Variants in SGK1 observed in about 807,000 individuals in gnomAD.
The protein encoded by SGK1 is serine/threonine-protein kinase Sgk1.
SGK1 carries 26 observed loss-of-function variants against 64.2 expected under a neutral mutation model. The observed-to-expected ratio is 0.40, with a 90% CI of 0.30 to 0.56. The LOEUF is 0.56. SGK1 is among the 20% of genes least tolerant of loss of function. The pLI is 0.38. For synonymous variants in SGK1, 265 were observed against 239.7 expected, an observed-to-expected ratio of 1.11 and a Z score of -0.98; for missense variants, 519 against 645.6, an observed-to-expected ratio of 0.80 and a Z score of 2.12.
intron 1 of SGK1, among the ~76,000 whole-genome samples, chr6:134,306,355 G>A (rs764847615): frequency 3.9e-5 from 6 of 151,920 alleles, no homozygotes; most frequent in Admixed American, 6.6e-5. Flanking sequence ...CCCGGGAGGC[G>A]GAGGTTGCAG....
At chr6:134,177,139 G>A (rs2114648262) in intron 3 of SGK1, among the ~76,000 whole-genome samples, 1 of 152,276 alleles carries the variant, frequency 6.6e-6, no homozygotes, top group African/African-American at 2.4e-5. Flanking sequence ...GCTTGAACCC[G>A]GGAGGCGGAG....
chr6:134,288,193 G>T (rs866825459), intron 1 of SGK1, among the ~76,000 whole-genome samples: 2 of 152,190 alleles, frequency 1.3e-5, no homozygotes, highest in Non-Finnish European at 2.9e-5. Flanking sequence ...ATGGTAAAAA[G>T]AGATATTGCC....
intron 2 of SGK1, among the ~76,000 whole-genome samples, chr6:134,208,901 T>C (rs1022100357): frequency 1.3e-5 from 2 of 148,388 alleles, no homozygotes; most frequent in African/African-American, 5.1e-5. Flanking sequence ...TGTGTGTATA[T>C]ATATATACAC....
At chr6:134,232,170 C>T (rs112582935) in intron 2 of SGK1, among the ~76,000 whole-genome samples, 488 of 150,812 alleles carry the variant, frequency 3.2e-3, no homozygotes, top group African/African-American at 0.011. Context: ...AGGTGGAGCA[C>T]GAGGTCGAGA....
At chr6:134,228,705 G>A (rs1776226418) in intron 2 of SGK1, among the ~76,000 whole-genome samples, 1 of 152,192 alleles carries the variant, frequency 6.6e-6, no homozygotes, top group Admixed American at 6.5e-5. Flanking sequence ...TCTGCGCAAA[G>A]GCAGAAGTGG....
At chr6:134,191,584 C>A (rs1775510147) in intron 3 of SGK1, among the ~76,000 whole-genome samples, 2 of 152,246 alleles carry the variant, frequency 1.3e-5, no homozygotes, top group South Asian at 4.1e-4. Flanking sequence ...CAGTTAAGTC[C>A]ACCTATTATA....
chr6:134,175,599 G>A (rs775235237), intron 3 of SGK1: 11 of 1,550,174 alleles, frequency 7.1e-6, no homozygotes, highest in Non-Finnish European at 8.7e-6. Flanking sequence ...CCCTCTTTTT[G>A]TGGCGGGGCC....
chr6:134,232,022 G>A (rs759694475), intron 2 of SGK1, among the ~76,000 whole-genome samples: 10 of 145,096 alleles, frequency 6.9e-5, no homozygotes, highest in Non-Finnish European at 1.2e-4. Flanking sequence ...CTGGGTGACA[G>A]AGTGAGACTT....
At position 134,174,522 on chromosome 6, in the gene SGK1, A is replaced by G. The variant is rs1462333785; in HGVS notation, c.426T>C (p.Tyr142=). The change falls in exon 4 of 14, where the codon TAT becomes TAC. Residue 142 remains tyrosine, a synonymous_variant. Transcript: ENST00000367858. ...CCGGTCAAACTTACTGTTTGCATGC[A>G]TAGGAGTTATTGGCAATCTTCTGAA... ...DFIQKIANNS[Y]ACKHPEVQSI... 4 of 1,612,528 alleles carry G rather than the reference A, an allele frequency of 2.5e-6. No homozygotes were observed.
intron 2 of SGK1, among the ~76,000 whole-genome samples, chr6:134,208,732 T>C (rs952977086): frequency 1.3e-5 from 2 of 150,032 alleles, no homozygotes; most frequent in Non-Finnish European, 3.0e-5. Context: ...GGCTGGGTAG[T>C]ATTCCATGTA....
At chr6:134,231,404 A>G (rs1776276703) in intron 2 of SGK1, among the ~76,000 whole-genome samples, 1 of 152,232 alleles carries the variant, frequency 6.6e-6, no homozygotes, top group Admixed American at 6.5e-5. Flanking sequence ...AAATAAAATG[A>G]TATTCATAAT....
chr6:134,194,078 T>C (rs1018307750), intron 3 of SGK1, among the ~76,000 whole-genome samples: 6 of 151,634 alleles, frequency 4.0e-5, no homozygotes, highest in East Asian at 1.9e-4. Context: ...ATCTTTGGGA[T>C]GTGGGAGGAA....
At chr6:134,209,112 C>A (rs1199532215) in intron 2 of SGK1, among the ~76,000 whole-genome samples, 1 of 152,012 alleles carries the variant, frequency 6.6e-6, no homozygotes, top group Non-Finnish European at 1.5e-5. Context: ...TTTTTGACAG[C>A]TTTATACTAC....
intron 2 of SGK1, among the ~76,000 whole-genome samples, chr6:134,248,154 TA>T (rs1320519452): frequency 6.6e-6 from 1 of 152,114 alleles, no homozygotes; most frequent in Non-Finnish European, 1.5e-5. Context: ...TGGGTCTGAT[TA>T]GTGTAGTTGA....
At chr6:134,205,864 A>G (rs538896200) in intron 3 of SGK1, among the ~76,000 whole-genome samples, 4 of 152,214 alleles carry the variant, frequency 2.6e-5, no homozygotes, top group Non-Finnish European at 5.9e-5. Context: ...AGAAAAGGTG[A>G]AAGCTCTATT....
At chr6:134,286,464 A>C (rs976377381) in intron 1 of SGK1, among the ~76,000 whole-genome samples, 1 of 151,774 alleles carries the variant, frequency 6.6e-6, no homozygotes, top group Non-Finnish European at 1.5e-5. Flanking sequence ...CCTTGTCTAA[A>C]AACAAAATAC....
intron 2 of SGK1, among the ~76,000 whole-genome samples, chr6:134,232,483 G>GAAAGAAAGAAAGAA (rs1554222987): frequency 8.4e-6 from 1 of 119,502 alleles, no homozygotes; most frequent in African/African-American, 3.5e-5. Flanking sequence ...AAGAAAGAAA[G>GAAAGAAAGAAAGAA]AGAAAGAAAA....
At chr6:134,174,982 G>A (rs968823764) in intron 3 of SGK1, 16 of 1,266,526 alleles carry the variant, frequency 1.3e-5, no homozygotes, top group Non-Finnish European at 1.6e-5. Flanking sequence ...CGGCCGCCTC[G>A]CGGTTTGCTG....
chr6:134,281,742 C>T (rs919503446), intron 1 of SGK1, among the ~76,000 whole-genome samples: 23 of 151,992 alleles, frequency 1.5e-4, no homozygotes, highest in Admixed American at 1.1e-3. Context: ...GTTTCAAATT[C>T]GTGGTCTTAA....
Sources: allele counts gnomAD v4.1 joint callset (sites outside exome capture counted in the v4.1 genomes callset), GRCh38; gene constraint gnomAD v4.1.1; transcripts MANE v1.5; gene names NCBI Gene and HGNC (gene_info 2026-07-23, HGNC 2026-07-21).